SLC35E1: variants seen among roughly 807,000 people sequenced by gnomAD.
SLC35E1 encodes solute carrier family 35 member E1.
In SLC35E1, 12 loss-of-function variants were observed where a neutral mutation model predicts 31.0. The ratio of observed to expected loss-of-function variants is 0.39; its 90% confidence interval spans 0.25 to 0.63. SLC35E1 has a LOEUF of 0.63. SLC35E1 is among the 20% of genes least tolerant of loss of function. SLC35E1 has a pLI of 0.52. For missense variants in SLC35E1, 429 were observed against 572.2 expected (o/e 0.75, Z 2.55); for synonymous variants, 257 against 264.1 (o/e 0.97, Z 0.26).
Position 16,571,921 on chromosome 19 carries a change from C to G in SLC35E1, c.421+23G>C, listed in dbSNP as rs1387388439. 3.3e-6 allele frequency: 5 copies of G among 1,533,308 alleles called. No homozygotes were observed. In the South Asian group the frequency reaches 3.6e-5, roughly 11 times the overall value. 95.0% of individuals were successfully genotyped at this position (1,533,308 alleles called of 1,614,324 possible). On this transcript the variant is annotated intron_variant, in intron 1 of 5. Transcript: ENST00000595753. ...GAAGCGGCGGGCCCGGCCGCCGCCC[C>G]CGAGGCCGGGCGCGGAACCTACCGG...
chr19:16,559,882 C>T (rs559910517), intron 4 of SLC35E1, among the ~76,000 whole-genome samples: 11 of 152,256 alleles, frequency 7.2e-5, no homozygotes, highest in Admixed American at 7.2e-4. Flanking sequence ...TGGCTGGAAT[C>T]CCGGGCATTT....
intron 3 of SLC35E1, 141 bp downstream of exon 3, chr19:16,567,891 G>T: frequency 8.0e-7 from 1 of 1,257,722 alleles, no homozygotes; most frequent in Non-Finnish European, 1.1e-6. Flanking sequence ...ATGACAAACA[G>T]AAAATCAGCA....
In SLC35E1 at chr19:16,555,488, G is replaced by A. The variant is rs193124970; in HGVS notation, c.757-91C>T. 10 of 1,521,886 alleles carry A rather than the reference G, an allele frequency of 6.6e-6. No individual in the cohort carries two copies. The highest frequency in any genetic ancestry group is 1.4e-5 in the African/African-American group (1 of 73,190). 94.3% of individuals were successfully genotyped at this position (1,521,886 alleles called of 1,614,324 possible). ...ACCTGGCAGGGTTAGGGGAAGGGAT[G>A]TGGAGGGGCTCATCTGGAGCCTCAT... On this transcript the variant is annotated intron_variant, in intron 4 of 5. Transcript: ENST00000595753. The surrounding 1 kb of genome is among the most constrained non-coding windows in gnomAD (Gnocchi z 4.1).
At chr19:16,559,456 CAA>C (rs2085893092) in intron 4 of SLC35E1, among the ~76,000 whole-genome samples, 1 of 99,532 alleles carries the variant, frequency 1.0e-5, no homozygotes, top group Admixed American at 1.0e-4. Flanking sequence ...CTTCTTTCTA[CAA>C]AAAATACACA....
At chr19:16,560,163 C>T (rs1244578097) in intron 4 of SLC35E1, among the ~76,000 whole-genome samples, 1 of 152,164 alleles carries the variant, frequency 6.6e-6, no homozygotes, top group Non-Finnish European at 1.5e-5. Flanking sequence ...AAGATCTCAT[C>T]CTCACATGTG....
rs1160913186 is a variant in SLC35E1 at position 16,572,031 on chromosome 19, C to T, written c.334G>A (p.Val112Met). ...LLPPRFYPRY[V>M]LPLAFGKYFA... ...TACTTGCCGAAGGCGAGCGGTAGCA[C>T]GTAGCGCGGGTAGAAGCGCGGCGGC... The change falls in exon 1 of 6, where the codon GTG becomes ATG. Residue 112 changes from valine (V) to methionine (M), a missense_variant. Val to Met is a conservative substitution (Grantham distance 21). Transcript: ENST00000595753. The surrounding 1 kb of genome is among the most constrained non-coding windows in gnomAD (Gnocchi z 4.1). 5 of 1,543,258 alleles carry T rather than the reference C, an allele frequency of 3.2e-6. No individual in the cohort carries two copies. In the Admixed American group the frequency reaches 7.9e-5, roughly 24 times the overall value.
rs1034463490 is a variant in SLC35E1, at chr19:16,571,660, G to A, written c.422-78C>T. The A allele has an allele frequency of 2.7e-6, 4 of 1,495,184 alleles. No homozygotes were observed. The Admixed American group carries it at 6.7e-5, about 25-fold the overall frequency. 92.6% of individuals were successfully genotyped at this position (1,495,184 alleles called of 1,614,324 possible). A position where few individuals can be genotyped will look rare whatever the true frequency, so the allele number is the denominator to read the frequency against. On this transcript the variant is annotated intron_variant, in intron 1 of 5. Coordinates refer to ENST00000595753, the MANE Select transcript of SLC35E1 (RefSeq NM_024881.5). ...CCTGTTCCACCTCCACGGCGGGATGGGAGGGCCTGGCAGCCCCTCACACCT... is the reference window on the plus strand; with the variant it reads ...CCTGTTCCACCTCCACGGCGGGATGAGAGGGCCTGGCAGCCCCTCACACCT...
rs141135431 is a variant in SLC35E1, at chr19:16,553,405, C to T, written c.*274G>A. 4.4e-3 allele frequency: 1,252 copies of T among 284,448 alleles called. 13 individuals are homozygous for T. The highest frequency in any genetic ancestry group is 0.025 in the African/African-American group (1,167 of 46,082). The allele number at this position is 284,448 out of a possible 1,614,324, so 17.6% of individuals were successfully genotyped here. On this transcript the variant is annotated 3_prime_UTR_variant, in exon 6 of 6. Transcript: ENST00000595753. Reference sequence around the variant, plus strand: ...AAAGGTACAACGTGGCCAAGATCTCCGCAGGGACACGGCCCTCAGATGACA... The same window carrying T: ...AAAGGTACAACGTGGCCAAGATCTCTGCAGGGACACGGCCCTCAGATGACA...
At chr19:16,563,323 A>T (rs2085916436) in intron 4 of SLC35E1, among the ~76,000 whole-genome samples, 1 of 151,246 alleles carries the variant, frequency 6.6e-6, no homozygotes. Flanking sequence ...CTCCGTCTCA[A>T]AAAATAAAAT....
chr19:16,553,798 G>C lies in SLC35E1; in HGVS notation c.1114C>G (p.Leu372Val), dbSNP rs1170698223. The C allele has an allele frequency of 6.2e-7, 1 of 1,613,880 alleles. No individual in the cohort carries two copies. Among genetic ancestry groups the C allele is most frequent in the Non-Finnish European group, 8.5e-7 (1 of 1,179,954 alleles). ...RSPLEKPHNGLLFPQHGDYQY... is the reference protein window; with the variant it reads ...RSPLEKPHNGVLFPQHGDYQY... ...TAGTCCCCGTGCTGGGGGAAGAGGAGGCCGTTGTGGGGCTTCTCCAGTGGG... is the reference window on the plus strand; with the variant it reads ...TAGTCCCCGTGCTGGGGGAAGAGGACGCCGTTGTGGGGCTTCTCCAGTGGG... The change falls in exon 6 of 6, where the codon CTC (leucine) becomes GTC (valine). Residue 372 changes from leucine to valine, a missense_variant. Leu to Val is a conservative substitution (Grantham distance 32). Coordinates refer to ENST00000595753, the MANE Select transcript of SLC35E1 (RefSeq NM_024881.5).
At position 16,571,542 on chromosome 19, in the gene SLC35E1, C is replaced by A. The variant is rs1341268069; in HGVS notation, c.462G>T (p.Arg154=). Residue 154 remains arginine (R), a synonymous_variant, in exon 2 of 6, where the codon CGG becomes CGT. Coordinates refer to ENST00000595753, the MANE Select transcript of SLC35E1 (RefSeq NM_024881.5). The part of the protein sequence containing the change: ...TMPIWVVLLS[R]IIMKEKQSTK... ...TGCTCTGCTTCTCCTTCATAATGAT[C>A]CGGGACAGGAGGACCACCCAGATGG... is the stretch of plus-strand genomic sequence containing the variant. The A allele has an allele frequency of 6.2e-7, 1 of 1,613,968 alleles. No individual in the cohort carries two copies. The highest frequency in any genetic ancestry group is 8.5e-7 in the Non-Finnish European group (1 of 1,179,958).
chr19:16,561,930 G>A (rs1024083436), intron 4 of SLC35E1, among the ~76,000 whole-genome samples: 1 of 152,134 alleles, frequency 6.6e-6, no homozygotes, highest in African/African-American at 2.4e-5. Flanking sequence ...GCTCACAGCT[G>A]TAATCCCAGC....
rs1290542443 is a variant in SLC35E1, at chr19:16,553,644, G to A, written c.*35C>T. 3 of 1,422,002 alleles carry A rather than the reference G, an allele frequency of 2.1e-6. No homozygotes were observed. Among genetic ancestry groups the A allele is most frequent in the Non-Finnish European group, 2.8e-6 (3 of 1,073,650 alleles). The allele number at this position is 1,422,002 out of a possible 1,614,324, so 88.1% of individuals were successfully genotyped here. A position where few individuals can be genotyped will look rare whatever the true frequency, so the allele number is the denominator to read the frequency against. On this transcript the variant is annotated 3_prime_UTR_variant, in exon 6 of 6. Coordinates refer to ENST00000595753, the MANE Select transcript of SLC35E1 (RefSeq NM_024881.5). ...TGATACTGCTGTGGGGGCCGGGGAA[G>A]GAGTCACCAACAGTCTGGTCCTGTC... is the stretch of plus-strand genomic sequence containing the variant.
In SLC35E1 at chr19:16,555,018, A is replaced by G. The variant is rs2085868264; in HGVS notation, c.1002+134T>C. 2 of 1,322,574 alleles carry G rather than the reference A, an allele frequency of 1.5e-6. No homozygotes were observed. The highest frequency in any genetic ancestry group is 3.0e-5 in the African/African-American group (2 of 67,738). 81.9% of individuals were successfully genotyped at this position (1,322,574 alleles called of 1,614,324 possible). A position where few individuals can be genotyped will look rare whatever the true frequency, so the allele number is the denominator to read the frequency against. On this transcript the variant is annotated intron_variant, in intron 5 of 5. Transcript: ENST00000595753. This position sits in a 1 kb window ranked among gnomAD's most constrained non-coding sequence, Gnocchi z 4.1. The stretch of plus-strand genomic sequence containing the variant: ...GCCAGAGTGGGATGGGGCTACGCCA[A>G]GATCATAAACCAGTCAGTGGCAAAG...
intron 2 of SLC35E1, among the ~76,000 whole-genome samples, chr19:16,571,175 C>T (rs939024915): frequency 1.3e-5 from 2 of 151,960 alleles, no homozygotes; most frequent in Non-Finnish European, 2.9e-5. Context: ...AAAGGCCACA[C>T]ATGGGGTGTA....
intron 5 of SLC35E1, 28 bp from the exon 6 acceptor site, chr19:16,553,937 G>C (rs770685089): frequency 2.6e-6 from 4 of 1,553,532 alleles, no homozygotes; most frequent in Non-Finnish European, 3.5e-6. Context: ...CAATGAGACA[G>C]GACATGCCCG....
chr19:16,570,205 C>T (rs553879950), intron 2 of SLC35E1, among the ~76,000 whole-genome samples: 2 of 152,312 alleles, frequency 1.3e-5, no homozygotes, highest in African/African-American at 4.8e-5. Flanking sequence ...CTGATACACA[C>T]GATGATATCC....
intron 4 of SLC35E1, among the ~76,000 whole-genome samples, chr19:16,558,920 C>T (rs1363891729): frequency 6.6e-6 from 1 of 151,420 alleles, no homozygotes; most frequent in African/African-American, 2.4e-5. Context: ...CAGGCACGTG[C>T]CACCACGCCC....
In SLC35E1 at chr19:16,553,519, C is replaced by T; in HGVS notation, c.*160G>A. The T allele has an allele frequency of 3.4e-6, 2 of 580,472 alleles. No individual in the cohort carries two copies. Among genetic ancestry groups the T allele is most frequent in the Non-Finnish European group, 5.5e-6 (2 of 361,680 alleles). The allele number at this position is 580,472 out of a possible 1,614,324, so 36.0% of individuals were successfully genotyped here. A position where few individuals can be genotyped will look rare whatever the true frequency, so the allele number is the denominator to read the frequency against. On this transcript the variant is annotated 3_prime_UTR_variant, in exon 6 of 6. Transcript: ENST00000595753. ...GTCTGCACTGCAGGCAACGCATCCT[C>T]CTGCGGCTCACGGGGGGCCAGGAAC...
Sources: gnomAD v4.1 joint callset for allele counts (sites outside exome capture counted in the v4.1 genomes callset) on GRCh38, gnomAD v4.1.1 for gene constraint, Gnocchi (gnomAD v3.1) non-coding constraint, MANE v1.5 for transcripts, NCBI Gene and HGNC (gene_info 2026-07-23, HGNC 2026-07-21) for gene names.